Variants in TMF1 observed in about 807,000 individuals in gnomAD.
TMF1 encodes the protein TATA element modulatory factor.
TMF1 carries 71 observed loss-of-function variants against 126.5 expected under a neutral mutation model. The observed-to-expected ratio is 0.56, with a 90% CI of 0.46 to 0.68. TMF1 has a LOEUF of 0.68. Among genes scored for constraint, TMF1 ranks in the 30% least tolerant of loss-of-function variants. The probability of loss-of-function intolerance (pLI) is 0.00; values close to 1 mark genes in which losing one functional copy is unlikely to be tolerated. For synonymous variants in TMF1, 461 were observed against 430.5 expected (o/e 1.07, Z -0.88); for missense variants, 1,259 against 1,253.2 (o/e 1.00, Z -0.07).
chr3:69,050,128 C>G (rs145992506), intron 1 of TMF1, among the ~76,000 whole-genome samples: 2 of 151,762 alleles, frequency 1.3e-5, no homozygotes, highest in African/African-American at 4.8e-5. Flanking sequence ...GGTGTGGTGA[C>G]GCAAACCTGC....
At chr3:69,027,570 T>C (rs1402986448) in intron 13 of TMF1, among the ~76,000 whole-genome samples, 3 of 151,772 alleles carry the variant, frequency 2.0e-5, no homozygotes, top group African/African-American at 7.3e-5. Flanking sequence ...ATTAAAAAAA[T>C]GATACTTATA....
In TMF1 at chr3:69,037,197, T is replaced by A. The variant is rs140558884; in HGVS notation, c.2151+1367A>T. Among the ~76,000 whole-genome samples, 24 of 152,222 alleles carry A rather than the reference T, an allele frequency of 1.6e-4. No individual in the cohort carries two copies. The East Asian group carries it at 4.4e-3, about 28-fold the overall frequency. ...AAAGACATCCAACATCATTAGTCATTAAGAGAATGCAAATCAGCCGGGCGT... is the reference window on the plus strand; with the variant it reads ...AAAGACATCCAACATCATTAGTCATAAAGAGAATGCAAATCAGCCGGGCGT... On this transcript the variant is annotated intron_variant, in intron 8 of 16. Coordinates refer to ENST00000398559, the MANE Select transcript of TMF1 (RefSeq NM_007114.3).
intron 12 of TMF1, 43 bp downstream of exon 12, chr3:69,028,183 C>T (rs2091780491): frequency 6.5e-7 from 1 of 1,529,996 alleles, no homozygotes; most frequent in South Asian, 1.1e-5. Context: ...CAACCATTCT[C>T]TAATGTATGC....
chr3:69,020,183 G>C lies in TMF1; in HGVS notation c.*2994C>G, dbSNP rs1169229267. The C allele has an allele frequency of 6.6e-6, 1 of 151,954 alleles. No individual in the cohort carries two copies. Among genetic ancestry groups the C allele is most frequent in the Non-Finnish European group, 1.5e-5 (1 of 67,970 alleles). 9.4% of individuals were successfully genotyped at this position (151,954 alleles called of 1,614,324 possible). On this transcript the variant is annotated 3_prime_UTR_variant, in exon 17 of 17. Transcript: ENST00000398559. ...TCAATAAATGCCAACTGAAGAGATG[G>C]AGAAAAAAAATTTCCTGAACATTCT... is the stretch of plus-strand genomic sequence containing the variant.
chr3:69,043,617 A>G lies in TMF1; in HGVS notation c.1578+133T>C, dbSNP rs1007655824. On this transcript the variant is annotated intron_variant, in intron 4 of 16. Coordinates refer to ENST00000398559, the MANE Select transcript of TMF1 (RefSeq NM_007114.3). Reference sequence around the variant, plus strand: ...CCACCACACGTGGCCAAAAATCTACAATTTAAATGTTAATAGATGATATCC... The same window carrying G: ...CCACCACACGTGGCCAAAAATCTACGATTTAAATGTTAATAGATGATATCC... 14 of 904,194 alleles carry G rather than the reference A, an allele frequency of 1.5e-5. No individual in the cohort carries two copies. In the African/African-American group the frequency reaches 2.2e-4, roughly 15 times the overall value. The allele number at this position is 904,194 out of a possible 1,614,324, so 56.0% of individuals were successfully genotyped here. A position where few individuals can be genotyped will look rare whatever the true frequency, so the allele number is the denominator to read the frequency against.
chr3:69,041,959 G>T (rs1482075297), intron 5 of TMF1, among the ~76,000 whole-genome samples: 2 of 152,104 alleles, frequency 1.3e-5, no homozygotes, highest in South Asian at 2.1e-4. Flanking sequence ...ATTACATGAA[G>T]AAATTAATTC....
At position 69,047,716 on chromosome 3, in the gene TMF1, C is replaced by G; in HGVS notation, c.989G>C (p.Ser330Thr). Residue 330 changes from serine (S) to threonine (T), a missense_variant, in exon 2 of 17, where the codon AGT becomes ACT. Physicochemically the swap from Ser to Thr is moderately conservative, Grantham distance 58. Transcript: ENST00000398559. ...ACTCCGGCTATCTAATGACTGTACA[C>G]TAAATGAGTCTATTCTTTCAAAAGC... is the stretch of plus-strand genomic sequence containing the variant. Reference protein sequence around the residue: ...SDAFERIDSFSVQSLDSRSVS... With the variant: ...SDAFERIDSFTVQSLDSRSVS... The G allele has an allele frequency of 6.2e-7, 1 of 1,614,098 alleles. No individual in the cohort carries two copies. The highest frequency in any genetic ancestry group is 1.3e-5 in the African/African-American group (1 of 75,032).
intron 10 of TMF1, chr3:69,030,251 G>A: frequency 2.7e-6 from 1 of 367,296 alleles, no homozygotes; most frequent in Non-Finnish European, 4.9e-6. Context: ...AAGAGTAGTG[G>A]ATCACCAACA....
intron 1 of TMF1, chr3:69,048,840 T>G: frequency 3.4e-6 from 1 of 293,120 alleles, no homozygotes; most frequent in Non-Finnish European, 6.3e-6. Context: ...GAGTATGTTA[T>G]TCCTCCCCAC....
rs2091752929 is a variant in TMF1, at chr3:69,024,011, G to T, written c.3138+44C>A. On this transcript the variant is annotated intron_variant, in intron 16 of 16. Transcript: ENST00000398559. ...TAAAAACATGAGATTTAAAGTAAAT[G>T]AACTAAAATATCTTAGACTCATCCT... 5.9e-6 allele frequency: 9 copies of T among 1,529,910 alleles called. No homozygotes were observed. The South Asian group carries it at 1.1e-4, about 18-fold the overall frequency. The allele number at this position is 1,529,910 out of a possible 1,614,324, so 94.8% of individuals were successfully genotyped here.
At chr3:69,046,761 G>A (rs891240649) in intron 2 of TMF1, among the ~76,000 whole-genome samples, 4 of 151,896 alleles carry the variant, frequency 2.6e-5, no homozygotes, top group Non-Finnish European at 5.9e-5. Flanking sequence ...TCTCTTTCTC[G>A]TTCATGTGAA....
chr3:69,044,649 T>A (rs1023122414), intron 2 of TMF1, 54 bp from the exon 3 acceptor site: 13 of 1,139,368 alleles, frequency 1.1e-5, no homozygotes, highest in Non-Finnish European at 1.2e-5. Flanking sequence ...AAAAGACCAT[T>A]TTTACATGCA....
intron 8 of TMF1, among the ~76,000 whole-genome samples, chr3:69,035,852 T>C (rs1379445249): frequency 2.0e-5 from 3 of 152,132 alleles, no homozygotes; most frequent in South Asian, 2.1e-4. Context: ...TATATGGGAA[T>C]AGAATGAAAC....
intron 1 of TMF1, among the ~76,000 whole-genome samples, chr3:69,051,688 C>T (rs528573756): frequency 7.2e-5 from 11 of 152,200 alleles, no homozygotes; most frequent in African/African-American, 2.4e-4. Flanking sequence ...CCAACCAAGT[C>T]CCCTGTCATC....
At chr3:69,026,166 TC>T (rs769844282) in intron 13 of TMF1, 69 bp from the exon 14 acceptor site, 2 of 1,030,284 alleles carry the variant, frequency 1.9e-6, no homozygotes, top group Non-Finnish European at 3.0e-6. Context: ...CAAGAACATT[TC>T]CTAGGGTTAA....
At chr3:69,048,625 C>T in intron 1 of TMF1, 63 bp from the exon 2 acceptor site, 1 of 1,345,632 alleles carries the variant, frequency 7.4e-7, no homozygotes, top group Non-Finnish European at 9.9e-7. Flanking sequence ...TTTCAATCAT[C>T]ATTATAAATC....
chr3:69,033,203 G>A (rs1253224912), intron 10 of TMF1, among the ~76,000 whole-genome samples: 3 of 150,362 alleles, frequency 2.0e-5, no homozygotes, highest in Non-Finnish European at 4.4e-5. Context: ...GAACCTGGGA[G>A]GCGGAGCTTG....
chr3:69,028,050 G>A, intron 12 of TMF1, 58 bp from the exon 13 acceptor site: 1 of 1,207,654 alleles, frequency 8.3e-7, no homozygotes, highest in Non-Finnish European at 1.2e-6. Flanking sequence ...GCCATGATAA[G>A]TCAATCTCAA....
chr3:69,025,393 C>G, intron 15 of TMF1, 167 bp downstream of exon 15: 1 of 579,300 alleles, frequency 1.7e-6, no homozygotes. Context: ...TAGCTAATTT[C>G]TCTTTTTAGC....
Sources: gnomAD v4.1 joint callset for allele counts (sites outside exome capture counted in the v4.1 genomes callset) on GRCh38, gnomAD v4.1.1 for gene constraint, MANE v1.5 for transcripts, NCBI Gene and HGNC (gene_info 2026-07-23, HGNC 2026-07-21) for gene names.